The following KLHL26 variants were observed in gnomAD, a reference collection of about 807,000 sequenced individuals.
KLHL26 encodes kelch-like protein 26.
A neutral mutation model predicts 7.1 loss-of-function variants in KLHL26; 4 were observed. The observed-to-expected ratio is 0.56, with a 90% CI of 0.28 to 1.28. KLHL26 has a LOEUF of 1.28. Among genes scored for constraint, KLHL26 ranks in the 50% most tolerant of loss-of-function variants. KLHL26 has a pLI of 0.11. For synonymous variants in KLHL26, 465 were observed against 414.1 expected (o/e 1.12, Z -1.49); for missense variants, 896 against 924.6 (o/e 0.97, Z 0.40).
At chr19:18,666,614 G>A (rs2052450524) in intron 2 of KLHL26, among the ~76,000 whole-genome samples, 1 of 152,134 alleles carries the variant, frequency 6.6e-6, no homozygotes, top group African/African-American at 2.4e-5. Context: ...GCAGTACAAG[G>A]GCGGAGCTGG....
rs770848275 is a variant in KLHL26, at chr19:18,668,929, A to T, written c.1532A>T (p.Tyr511Phe). Reference protein sequence around the residue: ...HAMVGAGGRIYALGGRMDHVD... With the variant: ...HAMVGAGGRIFALGGRMDHVD... ...ATGGTGGGTGCCGGCGGCCGCATCT[A>T]TGCCCTCGGGGGCCGCATGGACCAC... is the stretch of plus-strand genomic sequence containing the variant. Residue 511 changes from tyrosine to phenylalanine, a missense_variant, in exon 3 of 3, where the codon TAT becomes TTT. Transcript: ENST00000300976. 6.2e-7 allele frequency: 1 copy of T among 1,608,564 alleles called. No individual in the cohort carries two copies. The highest frequency in any genetic ancestry group is 8.5e-7 in the Non-Finnish European group (1 of 1,179,816).
Position 18,669,740 on chromosome 19 carries a change from G to A in KLHL26, c.*495G>A, listed in dbSNP as rs138374023. The A allele has an allele frequency of 3.6e-4, 59 of 165,698 alleles. No homozygotes were observed. The East Asian group carries it at 9.7e-3, about 27-fold the overall frequency. The allele number at this position is 165,698 out of a possible 1,614,324, so 10.3% of individuals were successfully genotyped here. A position where few individuals can be genotyped will look rare whatever the true frequency, so the allele number is the denominator to read the frequency against. ...CTCACCCGAAACGTCCGTAACACAC[G>A]GACCTCCAGGAGCAGTGAGAGGTGG... On this transcript the variant is annotated 3_prime_UTR_variant, in exon 3 of 3. Coordinates refer to ENST00000300976, the MANE Select transcript of KLHL26 (RefSeq NM_018316.3).
intron 1 of KLHL26, among the ~76,000 whole-genome samples, chr19:18,660,500 C>T (rs1213511040): frequency 1.3e-5 from 2 of 152,316 alleles, no homozygotes; most frequent in African/African-American, 4.8e-5. Context: ...CACCGCCTTC[C>T]TGGGGGCCTG....
rs370883254 is a variant in KLHL26 at position 18,668,331 on chromosome 19, G to A, written c.934G>A (p.Val312Ile). ...TAVRSDVPSL[V>I]TFGGTPYTDS... The stretch of plus-strand genomic sequence containing the variant: ...CGTGCGCTCGGATGTGCCCTCGCTC[G>A]TCACCTTCGGCGGCACGCCCTACAC... Residue 312 changes from valine to isoleucine, a missense_variant, in exon 3 of 3, where the codon GTC becomes ATC. Physicochemically the swap from Val to Ile is conservative, Grantham distance 29 (BLOSUM62 3). Transcript: ENST00000300976. The A allele has an allele frequency of 4.4e-6, 7 of 1,609,178 alleles. No homozygotes were observed. Among genetic ancestry groups the A allele is most frequent in the East Asian group, 2.2e-5 (1 of 44,858 alleles).
intron 1 of KLHL26, among the ~76,000 whole-genome samples, chr19:18,645,712 T>C (rs1976789579): frequency 6.6e-6 from 1 of 151,466 alleles, no homozygotes; most frequent in Non-Finnish European, 1.5e-5. Flanking sequence ...CTCTGGAGGT[T>C]GAGGCAGGAG....
intron 1 of KLHL26, among the ~76,000 whole-genome samples, chr19:18,662,583 C>T (rs759210417): frequency 1.3e-5 from 2 of 152,230 alleles, no homozygotes; most frequent in Admixed American, 6.5e-5. Context: ...ATGCAGGATG[C>T]GGCTTTGGCC....
Position 18,669,413 on chromosome 19 carries a change from C to A in KLHL26, c.*168C>A. 3.3e-6 allele frequency: 2 copies of A among 605,454 alleles called. No homozygotes were observed. Among genetic ancestry groups the A allele is most frequent in the Non-Finnish European group, 5.8e-6 (2 of 343,378 alleles). The allele number at this position is 605,454 out of a possible 1,614,324, so 37.5% of individuals were successfully genotyped here. On this transcript the variant is annotated 3_prime_UTR_variant, in exon 3 of 3. Coordinates refer to ENST00000300976, the MANE Select transcript of KLHL26 (RefSeq NM_018316.3). ...CCAGGGGTCCCTCCCTCCCTCCTTC[C>A]CAAAGCAGATCCTGGCTGCGAGTCC...
chr19:18,664,584 C>CT lies in KLHL26; in HGVS notation c.266+142dup. ...GAGGGAGAACGGCTGGTACCGGCTG[C>CT]TCTTTTTTTTTTTTTGAGATGGAGT... On this transcript the variant is annotated intron_variant, in intron 2 of 2. Coordinates refer to ENST00000300976, the MANE Select transcript of KLHL26 (RefSeq NM_018316.3). The CT allele has an allele frequency of 6.7e-6, 4 of 599,570 alleles. No homozygotes were observed. The East Asian group carries it at 9.4e-5, about 14-fold the overall frequency. 37.1% of individuals were successfully genotyped at this position (599,570 alleles called of 1,614,324 possible). A position where few individuals can be genotyped will look rare whatever the true frequency, so the allele number is the denominator to read the frequency against.
chr19:18,657,141 CT>C (rs1453610986), intron 1 of KLHL26, among the ~76,000 whole-genome samples: 46 of 151,786 alleles, frequency 3.0e-4, no homozygotes, highest in African/African-American at 1.0e-3. Context: ...GGGTCTCTGT[CT>C]CCTTGTCTCT....
At chr19:18,651,789 G>T (rs949442150) in intron 1 of KLHL26, among the ~76,000 whole-genome samples, 1 of 152,230 alleles carries the variant, frequency 6.6e-6, no homozygotes. Flanking sequence ...GTTTCCAAGC[G>T]GTGCTCTGGA....
rs1190428253 is a variant in KLHL26 at position 18,648,980 on chromosome 19, A to G, written c.83+11843A>G. On this transcript the variant is annotated intron_variant, in intron 1 of 2. Transcript: ENST00000300976. The surrounding 1 kb of genome is among the most constrained non-coding windows in gnomAD (Gnocchi z 4.9). ...CCGGCCACCTGCCAGTGGCTCCCTC[A>G]CTCTCAGAACAAAATCTACTTCTTG... 1.2e-4 allele frequency among the ~76,000 whole-genome samples: 18 copies of G among 151,928 alleles called. No individual in the cohort carries two copies.
chr19:18,668,192 G>C lies in KLHL26; in HGVS notation c.795G>C (p.Val265=). The C allele has an allele frequency of 6.2e-7, 1 of 1,611,302 alleles. No homozygotes were observed. The highest frequency in any genetic ancestry group is 2.2e-5 in the East Asian group (1 of 44,882). The change falls in exon 3 of 3, where the codon GTG becomes GTC. Residue 265 remains valine, a synonymous_variant. Coordinates refer to ENST00000300976, the MANE Select transcript of KLHL26 (RefSeq NM_018316.3). ...LMQSSELVDS[V]QTLDIMVEDV... ...AGTCGTCCGAGCTGGTGGACAGCGT[G>C]CAGACGCTGGACATCATGGTGGAGG... is the stretch of plus-strand genomic sequence containing the variant.
chr19:18,657,482 C>T (rs887877886), intron 1 of KLHL26, among the ~76,000 whole-genome samples: 4 of 151,980 alleles, frequency 2.6e-5, no homozygotes, highest in Non-Finnish European at 4.4e-5. Flanking sequence ...GGGTCTCTGT[C>T]TCCCTGTCTC....
chr19:18,658,756 T>C (rs1348508870), intron 1 of KLHL26, among the ~76,000 whole-genome samples: 5 of 150,816 alleles, frequency 3.3e-5, no homozygotes, highest in South Asian at 4.2e-4. Context: ...TCTGTCTCCC[T>C]GTCTCCCTGT....
chr19:18,655,830 G>A (rs1332791846), intron 1 of KLHL26, among the ~76,000 whole-genome samples: 1 of 146,850 alleles, frequency 6.8e-6, no homozygotes, highest in Admixed American at 6.8e-5. Context: ...CGGGATGGGG[G>A]CGCTGTGCAT....
chr19:18,644,840 C>T (rs1000566319), intron 1 of KLHL26, among the ~76,000 whole-genome samples: 2 of 152,022 alleles, frequency 1.3e-5, no homozygotes, highest in African/African-American at 4.8e-5. Flanking sequence ...TGGCCAGGGG[C>T]GGGGGCAGTT....
Position 18,664,317 on chromosome 19 carries a change from C to T in KLHL26, c.140C>T (p.Thr47Ile), listed in dbSNP as rs1248437374. Residue 47 changes from threonine (T) to isoleucine (I), a missense_variant, in exon 2 of 3, where the codon ACC (threonine) becomes ATC (isoleucine). Transcript: ENST00000300976. ...ACCTTCTCGGCACCCAGCCACAGCA[C>T]CAGCCTCCTGCAGGGCCTGGCCACC... ...KCTFSAPSHS[T>I]SLLQGLATLR... 1.2e-6 allele frequency: 2 copies of T among 1,609,446 alleles called. No homozygotes were observed. The highest frequency in any genetic ancestry group is 8.5e-7 in the Non-Finnish European group (1 of 1,179,686).
In KLHL26 at chr19:18,668,787, A is replaced by G. The variant is rs2052489728; in HGVS notation, c.1390A>G (p.Ile464Val). 6.3e-7 allele frequency: 1 copy of G among 1,595,630 alleles called. No individual in the cohort carries two copies. The change falls in exon 3 of 3, where the codon ATC (isoleucine) becomes GTC (valine). Residue 464 changes from isoleucine (I) to valine (V), a missense_variant. Physicochemically the swap from Ile to Val is conservative, Grantham distance 29. Coordinates refer to ENST00000300976, the MANE Select transcript of KLHL26 (RefSeq NM_018316.3). ...AGAASGGRLY[I>V]SGGYGISVED... The stretch of plus-strand genomic sequence containing the variant: ...GGCCGCCTCAGGGGGCCGCCTCTAC[A>G]TCTCGGGTGGCTACGGGATCTCAGT...
At chr19:18,665,096 G>A (rs1467171341) in intron 2 of KLHL26, among the ~76,000 whole-genome samples, 1 of 149,524 alleles carries the variant, frequency 6.7e-6, no homozygotes, top group Non-Finnish European at 1.5e-5. Context: ...TCGCTGTGTC[G>A]CCCAGGCTGG....
Sources: gnomAD v4.1 joint callset for allele counts (sites outside exome capture counted in the v4.1 genomes callset) on GRCh38, gnomAD v4.1.1 for gene constraint, Gnocchi (gnomAD v3.1) non-coding constraint, MANE v1.5 for transcripts, NCBI Gene and HGNC (gene_info 2026-07-23, HGNC 2026-07-21) for gene names.